Variants in LRRC49 observed in about 807,000 individuals in gnomAD.
LRRC49 encodes the protein leucine rich repeat containing 49.
In LRRC49, 50 loss-of-function variants were observed where a neutral mutation model predicts 83.3. The observed-to-expected ratio is 0.60, with a 90% confidence interval of 0.48 to 0.76. The LOEUF (loss-of-function observed/expected upper bound fraction) is 0.76. Ranked by LOEUF, LRRC49 falls within the 30% of genes least tolerant of loss-of-function variation. LRRC49 has a pLI of 0.00. For missense variants in LRRC49, 704 were observed against 809.1 expected, an observed-to-expected ratio of 0.87 and a Z score of 1.58; for synonymous variants, 286 against 283.3, an observed-to-expected ratio of 1.01 and a Z score of -0.10.
At chr15:70,971,528 AT>A (rs1227205465) in intron 9 of LRRC49, among the ~76,000 whole-genome samples, 2 of 151,972 alleles carry the variant, frequency 1.3e-5, no homozygotes, top group Non-Finnish European at 2.9e-5. Flanking sequence ...ATCCTTGTTA[AT>A]TTTCTGTCTT....
At chr15:71,024,604 T>TCAGCAG (rs1352485378) in intron 14 of LRRC49, among the ~76,000 whole-genome samples, 1 of 150,654 alleles carries the variant, frequency 6.6e-6, no homozygotes, top group East Asian at 1.9e-4. Context: ...CATCCAAAGG[T>TCAGCAG]CAGCAGCCTC....
chr15:70,974,118 T>A (rs2037116969), intron 9 of LRRC49, among the ~76,000 whole-genome samples: 2 of 152,066 alleles, frequency 1.3e-5, no homozygotes, highest in Non-Finnish European at 2.9e-5. Flanking sequence ...AGAAGGGGAC[T>A]CTGTCTCAAA....
chr15:70,983,463 C>A (rs999606860), intron 10 of LRRC49, among the ~76,000 whole-genome samples: 40 of 152,210 alleles, frequency 2.6e-4, no homozygotes, highest in African/African-American at 9.1e-4. Context: ...TTAAGACATC[C>A]GTTGCTTATA....
chr15:70,923,272 T>C (rs888754849), intron 7 of LRRC49, among the ~76,000 whole-genome samples: 4 of 152,044 alleles, frequency 2.6e-5, no homozygotes, highest in Admixed American at 1.3e-4. Flanking sequence ...ATTGGTACTT[T>C]AACGTTTGCT....
intron 15 of LRRC49, among the ~76,000 whole-genome samples, chr15:71,042,504 T>C (rs1188433123): frequency 6.6e-6 from 1 of 152,152 alleles, no homozygotes; most frequent in Non-Finnish European, 1.5e-5. Context: ...TCTGAGTACT[T>C]GAAAGACCTT....
intron 8 of LRRC49, 56 bp downstream of exon 8, chr15:70,936,878 T>G: frequency 1.8e-6 from 2 of 1,094,832 alleles, no homozygotes; most frequent in Non-Finnish European, 2.8e-6. Context: ...TGAGTTCTAG[T>G]GCTTTAGATT....
chr15:70,964,037 A>G (rs2036705903), intron 9 of LRRC49, 105 bp downstream of exon 9: 2 of 1,093,544 alleles, frequency 1.8e-6, no homozygotes, highest in Non-Finnish European at 2.6e-6. Context: ...TTAGTGAACT[A>G]TGGGTTATCA....
chr15:70,882,690 T>C, intron 2 of LRRC49: 1 of 1,611,532 alleles, frequency 6.2e-7, no homozygotes, highest in Non-Finnish European at 8.5e-7. Context: ...AGTTAGACTT[T>C]GCTTTTCATA....
chr15:70,919,120 G>C lies in LRRC49; in HGVS notation c.638G>C (p.Ser213Thr), dbSNP rs1449210504. 3.1e-6 allele frequency: 5 copies of C among 1,612,248 alleles called. No homozygotes were observed. The highest frequency in any genetic ancestry group is 4.2e-6 in the Non-Finnish European group (5 of 1,178,824). The change falls in exon 7 of 16, where the codon AGT becomes ACT. Residue 213 changes from serine (S) to threonine (T), a missense_variant. Ser to Thr is a moderately conservative substitution (Grantham distance 58). Transcript: ENST00000260382. Reference protein sequence around the residue: ...RVLNLARNFLSHVDNLNGLDS... With the variant: ...RVLNLARNFLTHVDNLNGLDS... Reference sequence around the variant, plus strand: ...TTAAATCTTGCCAGGAACTTTTTAAGTCATGTTGATAATCTTAATGGGCTG... The same window carrying C: ...TTAAATCTTGCCAGGAACTTTTTAACTCATGTTGATAATCTTAATGGGCTG...
chr15:70,894,042 A>C (rs2033715052), intron 2 of LRRC49, among the ~76,000 whole-genome samples: 1 of 152,050 alleles, frequency 6.6e-6, no homozygotes. Flanking sequence ...CCACAGGTGC[A>C]TGCCACCACG....
At chr15:70,963,387 C>G (rs2036678252) in intron 8 of LRRC49, among the ~76,000 whole-genome samples, 2 of 151,690 alleles carry the variant, frequency 1.3e-5, no homozygotes. Flanking sequence ...ATGAGTATTC[C>G]TCGAAACTGT....
At chr15:70,860,095 G>T in intron 1 of LRRC49, 1 of 718,672 alleles carries the variant, frequency 1.4e-6, no homozygotes, top group Non-Finnish European at 2.5e-6. Context: ...CCAGGGCTGT[G>T]GTTGAAGAAG....
intron 2 of LRRC49, chr15:70,882,552 A>C: frequency 6.2e-7 from 1 of 1,613,920 alleles, no homozygotes; most frequent in Non-Finnish European, 8.5e-7. Flanking sequence ...TCACTGGAGT[A>C]AATGTCAAAG....
chr15:70,861,897 C>G (rs1426951908), intron 1 of LRRC49, among the ~76,000 whole-genome samples: 1 of 151,894 alleles, frequency 6.6e-6, no homozygotes, highest in African/African-American at 2.4e-5. Context: ...TGCACTCCAG[C>G]CTGGGTGACA....
chr15:70,970,269 A>T (rs1403713077), intron 9 of LRRC49, among the ~76,000 whole-genome samples: 4 of 152,166 alleles, frequency 2.6e-5, no homozygotes, highest in African/African-American at 9.6e-5. Context: ...TGTTTATGTG[A>T]TGGATTACAT....
chr15:70,893,600 A>G lies in LRRC49; in HGVS notation c.65A>G (p.His22Arg). The part of the protein sequence containing the change: ...RAANNVNCGL[H>R]LVIQTSSLPE... The stretch of plus-strand genomic sequence containing the variant: ...ACATTTCAGGTGAACTGCGGGCTTC[A>G]TCTGGTTATTCAAACATCATCGCTT... Residue 22 changes from histidine to arginine, a missense_variant, in exon 2 of 16, where the codon CAT (histidine) becomes CGT (arginine). Coordinates refer to ENST00000260382, the MANE Select transcript of LRRC49 (RefSeq NM_017691.5). 1 of 1,611,436 alleles carries G rather than the reference A, an allele frequency of 6.2e-7. No homozygotes were observed. The highest frequency in any genetic ancestry group is 1.7e-5 in the Admixed American group (1 of 59,860).
Position 70,857,306 on chromosome 15 carries a change from A to C in LRRC49, c.-299+3837A>C, listed in dbSNP as rs2141066629. On this transcript the variant is annotated intron_variant, in intron 1 of 16. Transcript: ENST00000544974. ...CTGGCACTACAGCTGGAAACCAAGG[A>C]CTTGGAATAAGATATTGTGGTGAAG... is the stretch of plus-strand genomic sequence containing the variant. 1.3e-5 allele frequency among the ~76,000 whole-genome samples: 2 copies of C among 152,214 alleles called. 1 individual carries two copies. Among genetic ancestry groups the C allele is most frequent in the East Asian group, 3.9e-4 (2 of 5,162 alleles).
At chr15:70,869,964 A>T (rs1379711677) in intron 1 of LRRC49, among the ~76,000 whole-genome samples, 1 of 152,236 alleles carries the variant, frequency 6.6e-6, no homozygotes, top group Admixed American at 6.5e-5. Flanking sequence ...AGCTAAAAAA[A>T]AAAATTATTT....
At chr15:70,891,567 C>CTGTGTGTGTG (rs3220843), upstream of LRRC49, among the ~76,000 whole-genome samples, 1,863 of 137,014 alleles carry the variant, frequency 0.014, 33 homozygotes, top group Admixed American at 0.029. Flanking sequence ...GGACAAGACT[C>CTGTGTGTGTG]TGTGTGTGTG....
Sources: allele counts gnomAD v4.1 joint callset (sites outside exome capture counted in the v4.1 genomes callset), GRCh38; gene constraint gnomAD v4.1.1; transcripts MANE v1.5; gene names NCBI Gene and HGNC (gene_info 2026-07-23, HGNC 2026-07-21).